Variants in RBFOX1 observed in about 807,000 individuals in gnomAD.
The protein encoded by RBFOX1 is RNA binding fox-1 homolog 1, also known as RNA binding protein fox-1 homolog 1.
Under a neutral mutation model 57.7 loss-of-function variants are expected in RBFOX1, and 8 were observed. That is an observed-to-expected ratio of 0.14 (90% CI 0.08 to 0.25). The LOEUF (loss-of-function observed/expected upper bound fraction) is 0.25, where lower values mean the gene tolerates loss of function less well. RBFOX1 is among the 10% of genes least tolerant of loss of function. The pLI is 1.00. For missense variants in RBFOX1, 611 were observed against 548.5 expected (o/e 1.11, Z -1.14); for synonymous variants, 326 against 222.4 (o/e 1.47, Z -4.15).
intron 2 of RBFOX1, among the ~76,000 whole-genome samples, chr16:6,504,007 A>G (rs1225613299): frequency 2.6e-5 from 4 of 152,132 alleles, no homozygotes; most frequent in African/African-American, 9.7e-5. Flanking sequence ...GCAGCCTTCT[A>G]TTTGCTTATA....
rs147397407 is a variant in RBFOX1, at chr16:6,555,196, C to T, written c.-63-99407C>T. Among the ~76,000 whole-genome samples, 582 of 152,208 alleles carry T rather than the reference C, an allele frequency of 3.8e-3. 9 individuals carry two copies. The highest frequency in any genetic ancestry group is 0.013 in the African/African-American group (543 of 41,526). ...TCTTTTAAAATCAGGAGTCCTAGAC[C>T]AGAGAATGTTCCCTGCATTCCATAT... On this transcript the variant is annotated intron_variant, in intron 2 of 15. Transcript: ENST00000550418.
chr16:7,062,858 C>T (rs1386857867), intron 4 of RBFOX1, among the ~76,000 whole-genome samples: 1 of 141,874 alleles, frequency 7.0e-6, no homozygotes, highest in East Asian at 2.1e-4. Context: ...ATCTATCCGT[C>T]CCTTAAGCTA....
chr16:5,910,718 C>T (rs1194778716), intron 4 of RBFOX1, among the ~76,000 whole-genome samples: 3 of 152,182 alleles, frequency 2.0e-5, no homozygotes, highest in Non-Finnish European at 1.5e-5. Flanking sequence ...GTAGGATGCC[C>T]ATCAACCGAA....
At chr16:5,328,052 T>C (rs2064635761) in intron 1 of RBFOX1, among the ~76,000 whole-genome samples, 1 of 152,150 alleles carries the variant, frequency 6.6e-6, no homozygotes. Flanking sequence ...GCAGCCCCCA[T>C]GTTGCTTAGG....
chr16:6,923,027 C>T (rs1043154587), intron 3 of RBFOX1, among the ~76,000 whole-genome samples: 1 of 152,156 alleles, frequency 6.6e-6, no homozygotes, highest in Non-Finnish European at 1.5e-5. Flanking sequence ...TATAAGCAAA[C>T]CATAGACAGT....
chr16:6,774,277 C>G (rs1246296437), intron 3 of RBFOX1, among the ~76,000 whole-genome samples: 3 of 152,130 alleles, frequency 2.0e-5, no homozygotes, highest in Admixed American at 6.5e-5. Flanking sequence ...CATGTCTACT[C>G]TATTCCCTCC....
At chr16:6,531,913 G>T (rs1016656066) in intron 2 of RBFOX1, among the ~76,000 whole-genome samples, 1 of 152,134 alleles carries the variant, frequency 6.6e-6, no homozygotes, top group Non-Finnish European at 1.5e-5. Flanking sequence ...TCTACATTAA[G>T]CAAAAAGAAT....
intron 1 of RBFOX1, among the ~76,000 whole-genome samples, chr16:6,116,338 A>C (rs1341350186): frequency 6.6e-6 from 1 of 152,210 alleles, no homozygotes; most frequent in Non-Finnish European, 1.5e-5. Context: ...TGATGGGTGC[A>C]GCAAACCACC....
At chr16:5,644,748 C>G (rs2048992299) in intron 3 of RBFOX1, among the ~76,000 whole-genome samples, 1 of 152,196 alleles carries the variant, frequency 6.6e-6, no homozygotes, top group Admixed American at 6.5e-5. Context: ...GAATAATACT[C>G]CGTTGTATGA....
chr16:7,416,835 G>T (rs1340508569), intron 4 of RBFOX1, among the ~76,000 whole-genome samples: 1 of 151,996 alleles, frequency 6.6e-6, no homozygotes, highest in African/African-American at 2.4e-5. Context: ...GCCAAGGTTT[G>T]GTCTATGCAC....
chr16:5,335,305 A>G (rs2064867840), intron 1 of RBFOX1, among the ~76,000 whole-genome samples: 1 of 152,188 alleles, frequency 6.6e-6, no homozygotes. Context: ...AAAGGGTTGG[A>G]TGGAGCCTGA....
chr16:5,577,915 A>C (rs2046523068), intron 2 of RBFOX1, among the ~76,000 whole-genome samples: 1 of 152,166 alleles, frequency 6.6e-6, no homozygotes, highest in African/African-American at 2.4e-5. Context: ...GCCAAGTCAA[A>C]TTTAAGAAGG....
At position 6,950,384 on chromosome 16, in the gene RBFOX1, C is replaced by T. The variant is rs8059759; in HGVS notation, c.-15-101673C>T. On this transcript the variant is annotated intron_variant, in intron 3 of 15. Transcript: ENST00000550418. ...GATCTCTGTCCCTCTGTCCACCCAC[C>T]ACCCACTACCCACTACACCAGCATG... 5.3e-3 allele frequency among the ~76,000 whole-genome samples: 748 copies of T among 140,496 alleles called. 10 individuals carry two copies. Among genetic ancestry groups the T allele is most frequent in the African/African-American group, 0.019 (713 of 37,852 alleles). 92.2% of individuals were successfully genotyped at this position (140,496 alleles called of 152,430 possible). A position where few individuals can be genotyped will look rare whatever the true frequency, so the allele number is the denominator to read the frequency against.
intron 4 of RBFOX1, among the ~76,000 whole-genome samples, chr16:7,117,862 A>G (rs958208272): frequency 6.6e-6 from 1 of 152,142 alleles, no homozygotes; most frequent in African/African-American, 2.4e-5. Context: ...GGCAGGATTC[A>G]TTTTGTTGTA....
chr16:6,785,576 A>G (rs1400054014), intron 3 of RBFOX1, among the ~76,000 whole-genome samples: 1 of 152,182 alleles, frequency 6.6e-6, no homozygotes, highest in African/African-American at 2.4e-5. Flanking sequence ...ACATGTGGGG[A>G]CAAGTTTTCC....
intron 4 of RBFOX1, among the ~76,000 whole-genome samples, chr16:5,992,265 A>T (rs2060413468): frequency 6.6e-6 from 1 of 152,222 alleles, no homozygotes; most frequent in African/African-American, 2.4e-5. Context: ...TTTATGTCAG[A>T]ATGATACAGC....
intron 3 of RBFOX1, among the ~76,000 whole-genome samples, chr16:5,767,716 T>A (rs2053837267): frequency 6.6e-6 from 1 of 152,166 alleles, no homozygotes; most frequent in Non-Finnish European, 1.5e-5. Flanking sequence ...GAAGCTTTGT[T>A]GACAGGGGAA....
chr16:6,711,608 C>A (rs1253997642), intron 3 of RBFOX1, among the ~76,000 whole-genome samples: 3 of 152,304 alleles, frequency 2.0e-5, no homozygotes, highest in East Asian at 3.9e-4. Flanking sequence ...CTTACTTCCC[C>A]TTCGCCTTCC....
At chr16:5,359,856 C>G (rs61186318) in intron 1 of RBFOX1, among the ~76,000 whole-genome samples, 2,413 of 152,304 alleles carry the variant, frequency 0.016, 70 homozygotes, top group African/African-American at 0.056. Context: ...CCTCCGCTTT[C>G]TCACTCATAA....
Sources: gnomAD v4.1 joint callset for allele counts (sites outside exome capture counted in the v4.1 genomes callset) on GRCh38, gnomAD v4.1.1 for gene constraint, MANE v1.5 for transcripts, NCBI Gene and HGNC (gene_info 2026-07-23, HGNC 2026-07-21) for gene names.